SMC2: variants seen among roughly 807,000 people sequenced by gnomAD.
The protein encoded by SMC2 is structural maintenance of chromosomes protein 2.
A neutral mutation model predicts 142.6 loss-of-function variants in SMC2; 41 were observed. The observed-to-expected ratio is 0.29, with a 90% confidence interval of 0.22 to 0.37. The LOEUF (loss-of-function observed/expected upper bound fraction) is 0.37. SMC2 is among the 10% of genes least tolerant of loss of function. The pLI, the probability that SMC2 is intolerant of heterozygous loss-of-function variation, is 1.00. For missense variants in SMC2, 1,265 were observed against 1,373.7 expected (o/e 0.92, Z 1.25); for synonymous variants, 463 against 457.5 (o/e 1.01, Z -0.15).
intron 15 of SMC2, 47 bp from the exon 16 acceptor site, chr9:104,119,980 A>G: frequency 6.3e-7 from 1 of 1,596,398 alleles, no homozygotes; most frequent in East Asian, 2.2e-5. Context: ...TGTGTAGTAC[A>G]TACCTGGTAA....
In SMC2 at chr9:104,138,109, C is replaced by A; in HGVS notation, c.3361C>A (p.Leu1121Ile). 1 of 1,609,924 alleles carries A rather than the reference C, an allele frequency of 6.2e-7. No homozygotes were observed. Among genetic ancestry groups the A allele is most frequent in the Non-Finnish European group, 8.5e-7 (1 of 1,177,330 alleles). The change falls in exon 24 of 25, where the codon CTT becomes ATT. Residue 1121 changes from leucine to isoleucine, a missense_variant. Physicochemically the swap from Leu to Ile is conservative, Grantham distance 5. This residue lies in a region of SMC2 where 192 missense variants were observed against 261.9 expected (regional missense o/e 0.73). Transcript: ENST00000374793. ...TGATGAGGTAGATGCAGCCTTGGAT[C>A]TTTCTCATACCCAAAACATTGGACA... is the stretch of plus-strand genomic sequence containing the variant. ...ILDEVDAALDLSHTQNIGQML... is the reference protein window; with the variant it reads ...ILDEVDAALDISHTQNIGQML...
In SMC2 at chr9:104,140,122, A is replaced by G. The variant is rs1835936555; in HGVS notation, c.*807A>G. The G allele has an allele frequency of 6.6e-6, 1 of 152,090 alleles. No individual in the cohort carries two copies. The highest frequency in any genetic ancestry group is 2.4e-5 in the African/African-American group (1 of 41,426). 9.4% of individuals were successfully genotyped at this position (152,090 alleles called of 1,614,324 possible). On this transcript the variant is annotated 3_prime_UTR_variant, in exon 25 of 25. Transcript: ENST00000374793. ...TTCCAAGATTTTTGTCAGCCTTTTCATAATCCAGTCATTAACAACCTATTG... is the reference window on the plus strand; with the variant it reads ...TTCCAAGATTTTTGTCAGCCTTTTCGTAATCCAGTCATTAACAACCTATTG...
intron 14 of SMC2, among the ~76,000 whole-genome samples, chr9:104,117,056 CAGA>C (rs1758839249): frequency 6.6e-6 from 1 of 152,082 alleles, no homozygotes; most frequent in Admixed American, 6.6e-5. Context: ...TAGTTACATT[CAGA>C]AGATTTCAAT....
chr9:104,123,295 G>GTATCTTC (rs752376937), intron 17 of SMC2, 63 bp downstream of exon 17: 251 of 1,514,134 alleles, frequency 1.7e-4, no homozygotes, highest in Non-Finnish European at 2.2e-4. Context: ...CTTACTTTAG[G>GTATCTTC]TATCTTCTCT....
rs1472642215 is a variant in SMC2 at position 104,120,254 on chromosome 9, C to CT, written c.2132+96dup. On this transcript the variant is annotated intron_variant, in intron 16 of 24. Coordinates refer to ENST00000374793, the MANE Select transcript of SMC2 (RefSeq NM_006444.3). ...TTATTTCAAGAAATACAGCTTCTGACTTTTCTCATATTTTTGGTTTTATTT... is the reference window on the plus strand; with the variant it reads ...TTATTTCAAGAAATACAGCTTCTGACTTTTTCTCATATTTTTGGTTTTATTT... The CT allele has an allele frequency of 4.2e-6, 5 of 1,179,114 alleles. No homozygotes were observed. In the Admixed American group the frequency reaches 1.1e-4, roughly 27 times the overall value. The allele number at this position is 1,179,114 out of a possible 1,614,324, so 73.0% of individuals were successfully genotyped here. A position where few individuals can be genotyped will look rare whatever the true frequency, so the allele number is the denominator to read the frequency against.
intron 13 of SMC2, among the ~76,000 whole-genome samples, chr9:104,115,548 GC>G (rs1202059053): frequency 6.6e-6 from 1 of 151,554 alleles, no homozygotes; most frequent in Non-Finnish European, 1.5e-5. Flanking sequence ...TTGCACCACT[GC>G]GCTCCTGCCT....
chr9:104,107,236 G>A (rs992887712), intron 9 of SMC2, among the ~76,000 whole-genome samples: 3 of 152,204 alleles, frequency 2.0e-5, no homozygotes, highest in African/African-American at 7.2e-5. Flanking sequence ...AGCGTCGCAT[G>A]TAGTGCTCTG....
At chr9:104,097,304 C>T (rs1372215792) in intron 3 of SMC2, among the ~76,000 whole-genome samples, 1 of 150,856 alleles carries the variant, frequency 6.6e-6, no homozygotes, top group South Asian at 2.1e-4. Flanking sequence ...GACGGGATTT[C>T]GCTATGTTGG....
At chr9:104,125,869 C>T (rs1161829446) in intron 18 of SMC2, among the ~76,000 whole-genome samples, 1 of 151,990 alleles carries the variant, frequency 6.6e-6, no homozygotes, top group East Asian at 1.9e-4. Flanking sequence ...ATATATTTCC[C>T]TCGCATTTTT....
chr9:104,098,270 G>A lies in SMC2; in HGVS notation c.319-176G>A, dbSNP rs556943863. Among the ~76,000 whole-genome samples, 16 of 152,328 alleles carry A rather than the reference G, an allele frequency of 1.1e-4. No homozygotes were observed. In the South Asian group the frequency reaches 3.3e-3, roughly 32 times the overall value. On this transcript the variant is annotated intron_variant, in intron 3 of 24. Coordinates refer to ENST00000374793, the MANE Select transcript of SMC2 (RefSeq NM_006444.3). ...AAAGTACTTGCATTAGATACTAGCT[G>A]TCCTGACTCAAGTTAGCGTTTTTGA... is the stretch of plus-strand genomic sequence containing the variant.
chr9:104,130,390 A>G (rs1354529313), intron 21 of SMC2, among the ~76,000 whole-genome samples: 1 of 152,132 alleles, frequency 6.6e-6, no homozygotes, highest in African/African-American at 2.4e-5. Context: ...AGAAAAACCC[A>G]GTGGGGGAAG....
At chr9:104,118,524 C>G in intron 15 of SMC2, 149 bp downstream of exon 15, 1 of 627,954 alleles carries the variant, frequency 1.6e-6, no homozygotes, top group South Asian at 2.3e-5. Flanking sequence ...TACCTCCTGT[C>G]AAAAGTAAAA....
intron 21 of SMC2, among the ~76,000 whole-genome samples, chr9:104,131,079 A>G (rs1587994360): frequency 6.6e-6 from 1 of 152,302 alleles, no homozygotes; most frequent in South Asian, 2.1e-4. Context: ...GTGAATGTGA[A>G]GCCTCCTTGA....
At chr9:104,102,368 A>G in intron 8 of SMC2, 56 bp from the exon 9 acceptor site, 2 of 1,490,878 alleles carry the variant, frequency 1.3e-6, no homozygotes, top group Non-Finnish European at 1.8e-6. Flanking sequence ...ATACAATAAA[A>G]TGACAGCGTG....
upstream of SMC2, among the ~76,000 whole-genome samples, chr9:104,093,436 C>T (rs1830110565): frequency 6.6e-6 from 1 of 152,100 alleles, no homozygotes; most frequent in Non-Finnish European, 1.5e-5. Context: ...AGCTGTTTAA[C>T]CTTTTACTTG....
At chr9:104,131,437 G>A (rs1834953214) in intron 21 of SMC2, among the ~76,000 whole-genome samples, 1 of 152,032 alleles carries the variant, frequency 6.6e-6, no homozygotes. Context: ...GTTGATTGGT[G>A]CAGCAAGCCA....
chr9:104,133,743 G>T (rs1004074291), intron 22 of SMC2, among the ~76,000 whole-genome samples: 5 of 152,072 alleles, frequency 3.3e-5, no homozygotes, highest in African/African-American at 9.7e-5. Flanking sequence ...GGCAAGACAG[G>T]GGCAGGCCAA....
chr9:104,135,006 A>AG (rs1835379438), intron 23 of SMC2, among the ~76,000 whole-genome samples: 1 of 152,100 alleles, frequency 6.6e-6, no homozygotes, highest in African/African-American at 2.4e-5. Flanking sequence ...CTGTCCCTGA[A>AG]GTGAAGCCTA....
intron 4 of SMC2, among the ~76,000 whole-genome samples, chr9:104,099,341 TA>T (rs1210992694): frequency 2.9e-4 from 44 of 152,270 alleles, no homozygotes; most frequent in Non-Finnish European, 2.1e-4. Flanking sequence ...TTACCTGTTT[TA>T]AATTTGAATA....
Sources: gnomAD v4.1 joint callset for allele counts (sites outside exome capture counted in the v4.1 genomes callset) on GRCh38, gnomAD v4.1.1 for gene constraint, gnomAD v4.1.1 regional missense constraint, MANE v1.5 for transcripts, NCBI Gene and HGNC (gene_info 2026-07-23, HGNC 2026-07-21) for gene names.